Variants in ZFHX3 observed in about 807,000 individuals in gnomAD.
ZFHX3 encodes zinc finger homeobox 3, also known as zinc finger homeobox protein 3.
Under a neutral mutation model 279.1 loss-of-function variants are expected in ZFHX3, and 42 were observed. That is an observed-to-expected ratio of 0.15 (90% CI 0.12 to 0.19). The LOEUF is 0.19. Among genes scored for constraint, ZFHX3 ranks in the 10% least tolerant of loss-of-function variants. The pLI, the probability that ZFHX3 is intolerant of heterozygous loss-of-function variation, is 1.00. For missense variants in ZFHX3, 4,981 were observed against 4,754.0 expected (o/e 1.05, Z -1.40); for synonymous variants, 2,293 against 1,957.8 (o/e 1.17, Z -4.52).
chr16:73,689,991 C>T (rs1475764980), intron 1 of ZFHX3, among the ~76,000 whole-genome samples: 2 of 151,984 alleles, frequency 1.3e-5, no homozygotes, highest in Admixed American at 1.3e-4. Flanking sequence ...TCTCGGCTCA[C>T]CGCAACCTCC....
At chr16:72,970,861 C>T (rs896848113) in intron 1 of ZFHX3, among the ~76,000 whole-genome samples, 7 of 152,220 alleles carry the variant, frequency 4.6e-5, no homozygotes, top group African/African-American at 1.7e-4. Context: ...TGGCCCATTA[C>T]AGTTTCAATC....
At chr16:73,133,974 C>T (rs1291410357) in intron 6 of ZFHX3, among the ~76,000 whole-genome samples, 1 of 152,066 alleles carries the variant, frequency 6.6e-6, no homozygotes, top group Non-Finnish European at 1.5e-5. Flanking sequence ...TAGTGATAGC[C>T]GATACTTATT....
chr16:73,386,407 G>A (rs112242465), intron 3 of ZFHX3, among the ~76,000 whole-genome samples: 2,450 of 152,120 alleles, frequency 0.016, 25 homozygotes, highest in South Asian at 0.027. Flanking sequence ...CTGAATCCCC[G>A]TTTGCTTATT....
At chr16:73,879,520 G>A in intron 1 of ZFHX3, among the ~76,000 whole-genome samples, 1 of 152,056 alleles carries the variant, frequency 6.6e-6, no homozygotes, top group Non-Finnish European at 1.5e-5. Context: ...TGAGAAATGG[G>A]AAGGAGGTAG....
At chr16:73,499,883 C>T (rs920639551) in intron 2 of ZFHX3, 2 of 152,194 alleles carry the variant, frequency 1.3e-5, no homozygotes, top group African/African-American at 4.8e-5. Flanking sequence ...ATCATAGCTA[C>T]CAAAACATCA....
chr16:73,564,303 C>T (rs7204160), intron 2 of ZFHX3, among the ~76,000 whole-genome samples: 3,832 of 152,254 alleles, frequency 0.025, 155 homozygotes, highest in African/African-American at 0.086. Context: ...TGCCTGCAGG[C>T]TTGCTGAGCC....
At position 72,784,865 on chromosome 16, in the gene ZFHX3, A is replaced by G. The variant is rs1192295837; in HGVS notation, c.*2299T>C. The G allele has an allele frequency of 2.0e-5, 3 of 152,552 alleles. No homozygotes were observed. The highest frequency in any genetic ancestry group is 4.4e-5 in the Non-Finnish European group (3 of 68,024). 9.4% of individuals were successfully genotyped at this position (152,552 alleles called of 1,614,324 possible). A position where few individuals can be genotyped will look rare whatever the true frequency, so the allele number is the denominator to read the frequency against. ...TATGTACAACATTTCAGGATCTACT[A>G]TTTCATTAAACTAAAAACAAATTCA... On this transcript the variant is annotated 3_prime_UTR_variant, in exon 10 of 10. Transcript: ENST00000268489.
intron 4 of ZFHX3, among the ~76,000 whole-genome samples, chr16:72,857,405 A>G (rs940555099): frequency 6.6e-6 from 1 of 152,220 alleles, no homozygotes. Flanking sequence ...ATAAAGACTA[A>G]GCTGAGTGTG....
At chr16:73,610,903 G>T (rs1210155942) in intron 2 of ZFHX3, among the ~76,000 whole-genome samples, 1 of 152,180 alleles carries the variant, frequency 6.6e-6, no homozygotes, top group East Asian at 1.9e-4. Flanking sequence ...GTATTTCAGG[G>T]CTTAGGACAG....
Position 72,800,081 on chromosome 16 carries a change from C to G in ZFHX3, c.3913G>C (p.Ala1305Pro), listed in dbSNP as rs1555518489. 5 of 1,614,086 alleles carry G rather than the reference C, an allele frequency of 3.1e-6. No individual in the cohort carries two copies. The highest frequency in any genetic ancestry group is 1.7e-5 in the Admixed American group (1 of 60,008). ...VMPSSMFLPA[A>P]VPDRDGNSNL... ...GAATTCCCATCTCGATCTGGAACAG[C>G]TGCTGGGAGGAACATGCTGCTTGGC... The change falls in exon 8 of 10, where the codon GCT becomes CCT. Residue 1305 changes from alanine to proline, a missense_variant. By Grantham distance (27) the Ala-to-Pro change is conservative. Around this residue, in one of 7 missense-constraint regions of ZFHX3, gnomAD observed 1,751 missense variants for 1,770.0 expected, o/e 0.99. Coordinates refer to ENST00000268489, the MANE Select transcript of ZFHX3 (RefSeq NM_006885.4).
At chr16:73,267,474 T>A (rs1167567042) in intron 4 of ZFHX3, among the ~76,000 whole-genome samples, 4 of 152,184 alleles carry the variant, frequency 2.6e-5, no homozygotes, top group African/African-American at 9.7e-5. Flanking sequence ...GGCTCAGATC[T>A]GTATTTATAC....
At chr16:73,690,057 A>G (rs898091970) in intron 1 of ZFHX3, among the ~76,000 whole-genome samples, 15 of 152,166 alleles carry the variant, frequency 9.9e-5, no homozygotes, top group African/African-American at 3.6e-4. Context: ...CTGGGATTAC[A>G]GGTGCACACC....
intron 1 of ZFHX3, chr16:73,812,696 C>T (rs1960457682): frequency 6.6e-6 from 1 of 152,182 alleles, no homozygotes; most frequent in African/African-American, 2.4e-5. Flanking sequence ...CAGTATCCTC[C>T]TAGCATAGCA....
At chr16:73,161,117 C>T (rs903041948) in intron 5 of ZFHX3, among the ~76,000 whole-genome samples, 1 of 152,038 alleles carries the variant, frequency 6.6e-6, no homozygotes, top group Admixed American at 6.6e-5. Flanking sequence ...GGACTACAGG[C>T]GCCCGGCACC....
Position 72,958,448 on chromosome 16 carries a change from C to T in ZFHX3, c.1698G>A (p.Arg566=). The change falls in exon 2 of 10, where the codon AGG becomes AGA. Residue 566 remains arginine, a synonymous_variant. Transcript: ENST00000268489. Reference sequence around the variant, plus strand: ...CACTGTTAAAGCTTAAACGATTCCTCCTGTTCGCACCATCAAAGACAACAA... The same window carrying T: ...CACTGTTAAAGCTTAAACGATTCCTTCTGTTCGCACCATCAAAGACAACAA... ...SSFVVFDGAN[R]RNRLSFNSEG... The T allele has an allele frequency of 1.2e-6, 2 of 1,614,208 alleles. No homozygotes were observed. Among genetic ancestry groups the T allele is most frequent in the Non-Finnish European group, 1.7e-6 (2 of 1,180,044 alleles).
At chr16:72,849,844 C>G in intron 4 of ZFHX3, among the ~76,000 whole-genome samples, 1 of 110,494 alleles carries the variant, frequency 9.1e-6, no homozygotes, top group Non-Finnish European at 1.7e-5. Flanking sequence ...CTCTCTGCCA[C>G]TTGGAGTTCA....
At chr16:73,111,532 G>A (rs8054288) in intron 7 of ZFHX3, among the ~76,000 whole-genome samples, 51,009 of 151,496 alleles carry the variant, frequency 0.34, 8,847 homozygotes, top group Admixed American at 0.46. Flanking sequence ...TGTTTCAACT[G>A]CCAAGCTTTG....
chr16:73,529,912 T>C (rs189972433), intron 2 of ZFHX3, among the ~76,000 whole-genome samples: 14 of 142,804 alleles, frequency 9.8e-5, no homozygotes, highest in Admixed American at 8.8e-4. Context: ...TGTGCAAAAT[T>C]CAGCTCTATG....
At chr16:73,752,224 G>A (rs537831476) in intron 1 of ZFHX3, among the ~76,000 whole-genome samples, 126 of 152,186 alleles carry the variant, frequency 8.3e-4, no homozygotes, top group African/African-American at 2.9e-3. Context: ...TTCCATGTGC[G>A]TCTCTGTGGT....
Sources: gnomAD v4.1 joint callset for allele counts (sites outside exome capture counted in the v4.1 genomes callset) on GRCh38, gnomAD v4.1.1 for gene constraint, gnomAD v4.1.1 regional missense constraint, MANE v1.5 for transcripts, NCBI Gene and HGNC (gene_info 2026-07-23, HGNC 2026-07-21) for gene names.